The following MACROD2 variants were observed in gnomAD, a reference collection of about 807,000 sequenced individuals.
The protein encoded by MACROD2 is mono-ADP ribosylhydrolase 2.
MACROD2 carries 36 observed loss-of-function variants against 70.4 expected under a neutral mutation model. The observed-to-expected ratio is 0.51, with a 90% CI of 0.39 to 0.68. The LOEUF (loss-of-function observed/expected upper bound fraction) is 0.68, where lower values mean the gene tolerates loss of function less well. Ranked by LOEUF, MACROD2 falls within the 30% of genes least tolerant of loss-of-function variation. The pLI is 0.00. For missense variants in MACROD2, 496 were observed against 538.4 expected (o/e 0.92, Z 0.78); for synonymous variants, 172 against 178.8 (o/e 0.96, Z 0.30).
At chr20:14,589,548 G>A (rs989048050) in intron 4 of MACROD2, among the ~76,000 whole-genome samples, 1 of 151,990 alleles carries the variant, frequency 6.6e-6, no homozygotes, top group Non-Finnish European at 1.5e-5. Context: ...CGTTTCTGTA[G>A]CATTTAGTTA....
chr20:14,012,669 T>G (rs1165270538), intron 2 of MACROD2, among the ~76,000 whole-genome samples: 3 of 152,156 alleles, frequency 2.0e-5, no homozygotes, highest in Non-Finnish European at 4.4e-5. Flanking sequence ...TTTGTGTGGG[T>G]CTGTGATGTT....
chr20:14,132,003 C>A (rs1454801952), intron 3 of MACROD2, among the ~76,000 whole-genome samples: 1 of 151,774 alleles, frequency 6.6e-6, no homozygotes, highest in Non-Finnish European at 1.5e-5. Context: ...TGGTGGTGTG[C>A]ACCTGTAGTC....
chr20:14,021,331 C>T (rs1300861008), intron 2 of MACROD2, among the ~76,000 whole-genome samples: 1 of 152,186 alleles, frequency 6.6e-6, no homozygotes, highest in Non-Finnish European at 1.5e-5. Context: ...ACCTTATCTT[C>T]TCTTTAGGGC....
chr20:14,008,296 A>G (rs983213238), intron 2 of MACROD2, among the ~76,000 whole-genome samples: 1 of 152,228 alleles, frequency 6.6e-6, no homozygotes, highest in African/African-American at 2.4e-5. Context: ...AAATAAATGC[A>G]TACAAATCTC....
At chr20:14,534,477 A>AT in intron 4 of MACROD2, among the ~76,000 whole-genome samples, 1 of 152,288 alleles carries the variant, frequency 6.6e-6, no homozygotes, top group East Asian at 1.9e-4. Flanking sequence ...TAGAAAAGAA[A>AT]TTTTTTTCTA....
At chr20:14,292,661 TCTCA>T (rs1207248255) in intron 3 of MACROD2, among the ~76,000 whole-genome samples, 3 of 151,838 alleles carry the variant, frequency 2.0e-5, no homozygotes, top group Admixed American at 2.0e-4. Context: ...TGAGATGGAG[TCTCA>T]CTCTTGTCGC....
chr20:14,772,096 T>G (rs1176044552), intron 5 of MACROD2, among the ~76,000 whole-genome samples: 8 of 152,022 alleles, frequency 5.3e-5, no homozygotes, highest in Admixed American at 5.2e-4. Context: ...ACAATAAATG[T>G]TTTTACACTT....
chr20:14,501,630 G>A (rs2084915821), intron 4 of MACROD2, among the ~76,000 whole-genome samples: 1 of 151,598 alleles, frequency 6.6e-6, no homozygotes, highest in Non-Finnish European at 1.5e-5. Flanking sequence ...ATATTTGTAT[G>A]TTTCATAATT....
intron 3 of MACROD2, among the ~76,000 whole-genome samples, chr20:14,286,606 G>GA (rs1206211157): frequency 5.3e-5 from 8 of 152,152 alleles, no homozygotes; most frequent in Admixed American, 2.6e-4. Flanking sequence ...GTACTTCATA[G>GA]AGTAGATTTT....
rs142578419 is a variant in MACROD2 at position 14,776,994 on chromosome 20, A to G, written c.418+92035A>G. ...ATTCATTCATGTTTTGCATGTAGTC[A>G]TGCTTTGTTCTTTTTTATTGCTATG... is the stretch of plus-strand genomic sequence containing the variant. On this transcript the variant is annotated intron_variant, in intron 5 of 17. Coordinates refer to ENST00000684519, the MANE Select transcript of MACROD2 (RefSeq NM_001351661.2). Among the ~76,000 whole-genome samples the G allele has an allele frequency of 1.1e-4, 16 of 152,178 alleles. No individual in the cohort carries two copies. The East Asian group carries it at 2.5e-3, about 24-fold the overall frequency.
intron 2 of MACROD2, among the ~76,000 whole-genome samples, chr20:14,012,974 C>T (rs1422998011): frequency 6.6e-6 from 1 of 151,968 alleles, no homozygotes; most frequent in Non-Finnish European, 1.5e-5. Context: ...CTGAATGGCG[C>T]CATGTATGAT....
chr20:15,667,479 G>GTATC (rs1298946124), intron 8 of MACROD2, among the ~76,000 whole-genome samples: 2 of 142,254 alleles, frequency 1.4e-5, no homozygotes, highest in South Asian at 4.7e-4. Flanking sequence ...ATGTATCTAT[G>GTATC]TATCTATGTA....
intron 5 of MACROD2, among the ~76,000 whole-genome samples, chr20:14,964,586 A>G (rs575766893): frequency 9.9e-5 from 15 of 151,700 alleles, no homozygotes; most frequent in Admixed American, 8.5e-4. Flanking sequence ...AAAATAAAAA[A>G]AATAAAAAAA....
chr20:15,789,213 G>T (rs1426857080), intron 8 of MACROD2, among the ~76,000 whole-genome samples: 1 of 152,180 alleles, frequency 6.6e-6, no homozygotes, highest in Admixed American at 6.5e-5. Context: ...ATGACAAAAA[G>T]AAGTGCTTAC....
In MACROD2 at chr20:14,689,369, T is replaced by G. The variant is rs907816282; in HGVS notation, c.418+4410T>G. The stretch of plus-strand genomic sequence containing the variant: ...AATATGGGCACAGATTCTTCTTTCT[T>G]CATTTTTCTAATGTATTGCTATATT... On this transcript the variant is annotated intron_variant, in intron 5 of 17. Coordinates refer to ENST00000684519, the MANE Select transcript of MACROD2 (RefSeq NM_001351661.2). 3.9e-4 allele frequency among the ~76,000 whole-genome samples: 60 copies of G among 152,340 alleles called. No individual in the cohort carries two copies. The Middle Eastern group carries it at 0.01, about 26-fold the overall frequency.
chr20:14,978,599 A>C (rs2074764593), intron 5 of MACROD2, among the ~76,000 whole-genome samples: 4 of 151,632 alleles, frequency 2.6e-5, no homozygotes, highest in Non-Finnish European at 5.9e-5. Context: ...AGGTTATTTA[A>C]AGTCTCCAGA....
chr20:15,662,400 C>T (rs772026971), intron 8 of MACROD2, among the ~76,000 whole-genome samples: 1 of 152,010 alleles, frequency 6.6e-6, no homozygotes. Context: ...TTCTTTGCAT[C>T]CTTGGTGCTT....
intron 3 of MACROD2, among the ~76,000 whole-genome samples, chr20:14,388,051 C>G (rs1453933217): frequency 2.0e-5 from 3 of 149,532 alleles, no homozygotes; most frequent in Middle Eastern, 3.5e-3. Flanking sequence ...GCTCAGTCAC[C>G]CAGGCTGGAG....
At chr20:15,834,646 T>C (rs1381142328) in intron 8 of MACROD2, among the ~76,000 whole-genome samples, 3 of 152,194 alleles carry the variant, frequency 2.0e-5, no homozygotes, top group Admixed American at 2.0e-4. Flanking sequence ...TCTTCAATGG[T>C]TATTATTCTA....
Sources: gnomAD v4.1 joint callset for allele counts (sites outside exome capture counted in the v4.1 genomes callset) on GRCh38, gnomAD v4.1.1 for gene constraint, MANE v1.5 for transcripts, NCBI Gene and HGNC (gene_info 2026-07-23, HGNC 2026-07-21) for gene names.